ZNF106: variants seen among roughly 807,000 people sequenced by gnomAD.
ZNF106 encodes the protein SH3-domain binding protein 3.
ZNF106 carries 67 observed loss-of-function variants against 195.1 expected under a neutral mutation model. That is an observed-to-expected ratio of 0.34 (90% CI 0.28 to 0.42). ZNF106 has a LOEUF of 0.42. Ranked by LOEUF, ZNF106 falls within the 10% of genes least tolerant of loss-of-function variation. The pLI, the probability that ZNF106 is intolerant of heterozygous loss-of-function variation, is 1.00. For missense variants in ZNF106, 2,118 were observed against 2,304.5 expected, an observed-to-expected ratio of 0.92 and a Z score of 1.66; for synonymous variants, 784 against 818.6, an observed-to-expected ratio of 0.96 and a Z score of 0.72.
chr15:42,439,146 CT>C lies in ZNF106; in HGVS notation c.4430del (p.Lys1477ArgfsTer12), dbSNP rs2055400064. The C allele has an allele frequency of 6.2e-7, 1 of 1,613,958 alleles. No individual in the cohort carries two copies. Among genetic ancestry groups the C allele is most frequent in the African/African-American group, 1.3e-5 (1 of 74,892 alleles). On this transcript the variant is annotated frameshift_variant, in exon 11 of 22. Transcript: ENST00000564754. LOFTEE classifies it high-confidence loss of function. Reference protein sequence around the residue: ...GEEKPDSPSKKDIWNSTEQNP... With the variant: ...GEEKPDSPSKXDIWNSTEQNP... ...TTTGCTCTGTAGAGTTCCAAATATC[CT>C]TTTTAGATGGGCTGTCTGGTTTCTC...
chr15:42,470,440 G>A (rs1355426004), intron 2 of ZNF106, among the ~76,000 whole-genome samples: 6 of 151,436 alleles, frequency 4.0e-5, no homozygotes, highest in Non-Finnish European at 1.5e-5. Context: ...CTTAAAGCAG[G>A]CCATTCCCTT....
chr15:42,485,703 T>C (rs568232184), intron 1 of ZNF106, among the ~76,000 whole-genome samples: 42 of 152,244 alleles, frequency 2.8e-4, no homozygotes, highest in African/African-American at 7.0e-4. Context: ...AATAAAGACG[T>C]TGGAAAATAA....
chr15:42,471,641 G>A (rs1357191666), intron 2 of ZNF106, among the ~76,000 whole-genome samples: 1 of 152,186 alleles, frequency 6.6e-6, no homozygotes, highest in African/African-American at 2.4e-5. Flanking sequence ...TGAGGCAGGA[G>A]ACTCACTTGA....
intron 9 of ZNF106, among the ~76,000 whole-genome samples, chr15:42,443,917 GC>G (rs1439517743): frequency 1.3e-5 from 2 of 151,812 alleles, no homozygotes; most frequent in East Asian, 3.9e-4. Flanking sequence ...GACCAGTCTG[GC>G]CAACATGGCG....
At chr15:42,479,768 G>C (rs1281781488) in intron 1 of ZNF106, among the ~76,000 whole-genome samples, 3 of 152,104 alleles carry the variant, frequency 2.0e-5, no homozygotes, top group Non-Finnish European at 4.4e-5. Flanking sequence ...CTTGAACCCG[G>C]GGAGTAGAGG....
In ZNF106 at chr15:42,444,281, A is replaced by ATTT; in HGVS notation, c.3361-20_3361-19insAAA. The ATTT allele has an allele frequency of 6.3e-7, 1 of 1,594,082 alleles. No homozygotes were observed. The highest frequency in any genetic ancestry group is 8.6e-7 in the Non-Finnish European group (1 of 1,164,482). ...TAGTTATCTAAAAATAAAGTATTTTATTAAGCATTTTGAAATCCAACTTGT... is the reference window on the plus strand; with the variant it reads ...TAGTTATCTAAAAATAAAGTATTTTATTTTTAAGCATTTTGAAATCCAACTTGT... On this transcript the variant is annotated intron_variant, in intron 8 of 21. Transcript: ENST00000564754.
chr15:42,449,928 T>C lies in ZNF106; in HGVS notation c.2344A>G (p.Asn782Asp). 1 of 1,614,202 alleles carries C rather than the reference T, an allele frequency of 6.2e-7. No individual in the cohort carries two copies. The change falls in exon 5 of 22, where the codon AAT (asparagine) becomes GAT (aspartate). Residue 782 changes from asparagine (N) to aspartate (D), a missense_variant. Asn to Asp is a conservative substitution (Grantham distance 23). Transcript: ENST00000564754. Reference sequence around the variant, plus strand: ...TCACTCTTTCGGTGACCGCTAATATTGCGAATGCGGCGGGCACTATTGAGG... The same window carrying C: ...TCACTCTTTCGGTGACCGCTAATATCGCGAATGCGGCGGGCACTATTGAGG... Reference protein sequence around the residue: ...PNLNSARRIRNISGHRKSETE... With the variant: ...PNLNSARRIRDISGHRKSETE...
chr15:42,424,949 G>A lies in ZNF106; in HGVS notation c.5075C>T (p.Ala1692Val), dbSNP rs1435498095. ...AGACCCCACGACCAGCAGTTTTCGG[G>A]CACCTTCCTGAGCTGTAGCAAGACA... is the stretch of plus-strand genomic sequence containing the variant. ...VSCLATAQEG[A>V]RKLLVVGSYD... The change falls in exon 16 of 22, where the codon GCC becomes GTC. Residue 1692 changes from alanine to valine, a missense_variant. By Grantham distance (64) the Ala-to-Val change is moderately conservative (BLOSUM62 0). Coordinates refer to ENST00000564754, the MANE Select transcript of ZNF106 (RefSeq NM_001366845.3). 9 of 1,614,026 alleles carry A rather than the reference G, an allele frequency of 5.6e-6. No individual in the cohort carries two copies. The highest frequency in any genetic ancestry group is 7.6e-6 in the Non-Finnish European group (9 of 1,180,036).
At chr15:42,460,979 C>A (rs2056379142) in intron 3 of ZNF106, among the ~76,000 whole-genome samples, 1 of 150,778 alleles carries the variant, frequency 6.6e-6, no homozygotes, top group South Asian at 2.1e-4. Flanking sequence ...CAAAAAAAAA[C>A]TTTATAAGAA....
Position 42,450,989 on chromosome 15 carries a change from G to C in ZNF106, c.1283C>G (p.Thr428Arg). ...AGATCCAGTATGTATTTCTTTTTGT[G>C]TTTTCTGTGTTGGGGAATTACGTGT... ...DETRNSPTQK[T>R]QKEIHTGSLN... The change falls in exon 5 of 22, where the codon ACA (threonine) becomes AGA (arginine). Residue 428 changes from threonine to arginine, a missense_variant. Coordinates refer to ENST00000564754, the MANE Select transcript of ZNF106 (RefSeq NM_001366845.3). 1 of 1,614,128 alleles carries C rather than the reference G, an allele frequency of 6.2e-7. No homozygotes were observed.
intron 1 of ZNF106, among the ~76,000 whole-genome samples, chr15:42,479,795 T>C (rs560407660): frequency 1.3e-3 from 203 of 152,258 alleles, no homozygotes; most frequent in Middle Eastern, 3.4e-3. Context: ...TGAGCTGAGA[T>C]AGCGCCACTT....
At chr15:42,435,016 C>A (rs1263438274) in intron 14 of ZNF106, among the ~76,000 whole-genome samples, 1 of 151,992 alleles carries the variant, frequency 6.6e-6, no homozygotes, top group African/African-American at 2.4e-5. Context: ...CAGGTGAATC[C>A]ACCCGCCTCT....
At chr15:42,467,590 C>G (rs1444029353) in intron 2 of ZNF106, among the ~76,000 whole-genome samples, 2 of 150,584 alleles carry the variant, frequency 1.3e-5, no homozygotes, top group South Asian at 4.3e-4. Flanking sequence ...GAGTTTGAGA[C>G]CAGCCTAGCT....
chr15:42,435,069 C>T (rs1462058804), intron 14 of ZNF106, among the ~76,000 whole-genome samples: 4 of 152,130 alleles, frequency 2.6e-5, no homozygotes, highest in African/African-American at 7.2e-5. Flanking sequence ...CCACTGAGCC[C>T]GGCCTACATT....
chr15:42,469,709 A>T (rs908207805), intron 2 of ZNF106, among the ~76,000 whole-genome samples: 94 of 152,042 alleles, frequency 6.2e-4, no homozygotes, highest in African/African-American at 2.2e-3. Flanking sequence ...AAAATAGCAC[A>T]TGCCTGTAGT....
At chr15:42,458,707 C>CA (rs1325601227) in intron 3 of ZNF106, among the ~76,000 whole-genome samples, 1 of 142,460 alleles carries the variant, frequency 7.0e-6, no homozygotes, top group Non-Finnish European at 1.5e-5. Flanking sequence ...GACTCCATCT[C>CA]AAAAAAACAA....
chr15:42,429,058 ACGATTTCT>A, intron 14 of ZNF106, among the ~76,000 whole-genome samples: 1 of 151,442 alleles, frequency 6.6e-6, no homozygotes, highest in Non-Finnish European at 1.5e-5. Context: ...CGGCCAGAAA[ACGATTTCT>A]ACCAATTTCC....
chr15:42,448,322 T>G lies in ZNF106; in HGVS notation c.2885A>C (p.Gln962Pro). Residue 962 changes from glutamine to proline, a missense_variant, in exon 6 of 22, where the codon CAA becomes CCA. Coordinates refer to ENST00000564754, the MANE Select transcript of ZNF106 (RefSeq NM_001366845.3). ...NVATQRRHSA[Q>P]LSSDHIIPLM... Reference sequence around the variant, plus strand: ...AGGTATTATATGGTCAGAGGATAATTGTGCACTATGTCGCCTTTGGGTAGC... The same window carrying G: ...AGGTATTATATGGTCAGAGGATAATGGTGCACTATGTCGCCTTTGGGTAGC... 1.2e-6 allele frequency: 2 copies of G among 1,614,200 alleles called. No homozygotes were observed. Among genetic ancestry groups the G allele is most frequent in the Non-Finnish European group, 1.7e-6 (2 of 1,180,028 alleles).
chr15:42,473,639 C>A (rs1338989045), intron 1 of ZNF106, among the ~76,000 whole-genome samples: 1 of 152,140 alleles, frequency 6.6e-6, no homozygotes, highest in Non-Finnish European at 1.5e-5. Flanking sequence ...CTTTCTGACA[C>A]CCCACCTCTC....
Sources: allele counts gnomAD v4.1 joint callset (sites outside exome capture counted in the v4.1 genomes callset), GRCh38; gene constraint gnomAD v4.1.1; transcripts MANE v1.5; gene names NCBI Gene and HGNC (gene_info 2026-07-23, HGNC 2026-07-21).